Variants in ARHGEF3 observed in about 807,000 individuals in gnomAD.
The protein encoded by ARHGEF3 is 59.8 kDA protein.
In ARHGEF3, 28 loss-of-function variants were observed where a neutral mutation model predicts 63.2. The ratio of observed to expected loss-of-function variants is 0.44; its 90% confidence interval spans 0.33 to 0.61. The LOEUF (loss-of-function observed/expected upper bound fraction) is 0.61, where lower values mean the gene tolerates loss of function less well. Among genes scored for constraint, ARHGEF3 ranks in the 20% least tolerant of loss-of-function variants. ARHGEF3 has a pLI of 0.03. For missense variants in ARHGEF3, 533 were observed against 659.3 expected, an observed-to-expected ratio of 0.81 and a Z score of 2.10; for synonymous variants, 266 against 254.2, an observed-to-expected ratio of 1.05 and a Z score of -0.44.
rs185778248 is a variant in ARHGEF3, at chr3:56,926,475, T to C, written c.129+32348A>G. On this transcript the variant is annotated intron_variant, in intron 3 of 12. Coordinates refer to the ARHGEF3 transcript ENST00000338458. ...CAGTACTAGTCAGATGCTTTTCCTA[T>C]GTATTTTTAAAGTACACAAACATAA... 5.9e-5 allele frequency among the ~76,000 whole-genome samples: 9 copies of C among 152,376 alleles called. 1 individual carries two copies. Among genetic ancestry groups the C allele is most frequent in the South Asian group, 4.1e-4 (2 of 4,828 alleles).
At chr3:57,055,100 G>T (rs184728214) in intron 1 of ARHGEF3, among the ~76,000 whole-genome samples, 25 of 150,872 alleles carry the variant, frequency 1.7e-4, no homozygotes, top group Admixed American at 3.3e-4. Flanking sequence ...TCTCTTAATG[G>T]TGTCTCTTGA....
At chr3:56,732,130 C>G in intron 9 of ARHGEF3, 108 bp downstream of exon 9, 1 of 1,276,098 alleles carries the variant, frequency 7.8e-7, no homozygotes, top group Non-Finnish European at 1.1e-6. Flanking sequence ...CATACAAATG[C>G]AGTTTGACTT....
chr3:56,860,583 A>C (rs2040039711), intron 4 of ARHGEF3, among the ~76,000 whole-genome samples: 1 of 152,248 alleles, frequency 6.6e-6, no homozygotes, highest in Non-Finnish European at 1.5e-5. Context: ...AGAAAATCAC[A>C]GTGGGTTCTT....
At chr3:56,958,614 G>A (rs574703367) in intron 3 of ARHGEF3, among the ~76,000 whole-genome samples, 6 of 152,222 alleles carry the variant, frequency 3.9e-5, no homozygotes, top group African/African-American at 1.4e-4. Flanking sequence ...TTACAGACAT[G>A]AGCTATCACG....
chr3:56,858,232 A>C (rs1230855940), intron 4 of ARHGEF3, among the ~76,000 whole-genome samples: 2 of 121,944 alleles, frequency 1.6e-5, no homozygotes, highest in African/African-American at 6.3e-5. Context: ...AAACAGAGCA[A>C]GACCCTGTCT....
chr3:56,982,271 TAAGC>T (rs1393019082), intron 2 of ARHGEF3, among the ~76,000 whole-genome samples: 1 of 150,040 alleles, frequency 6.7e-6, no homozygotes, highest in Non-Finnish European at 1.5e-5. Context: ...AAAAAAAAAG[TAAGC>T]AAGCGTACAT....
At chr3:56,737,112 G>C in intron 8 of ARHGEF3, 73 bp downstream of exon 8, 2 of 1,409,722 alleles carry the variant, frequency 1.4e-6, no homozygotes, top group Non-Finnish European at 1.9e-6. Flanking sequence ...GAAATTCTAA[G>C]AGGAGGCTCC....
At chr3:56,914,791 T>A (rs2041942293) in intron 3 of ARHGEF3, among the ~76,000 whole-genome samples, 1 of 151,858 alleles carries the variant, frequency 6.6e-6, no homozygotes, top group Non-Finnish European at 1.5e-5. Flanking sequence ...ATACTTAGAG[T>A]AATCAAAATC....
At chr3:56,947,950 A>T (rs1699602178) in intron 3 of ARHGEF3, among the ~76,000 whole-genome samples, 1 of 152,312 alleles carries the variant, frequency 6.6e-6, no homozygotes, top group East Asian at 1.9e-4. Flanking sequence ...AGTGCAATCA[A>T]ACTAGAACTC....
intron 3 of ARHGEF3, among the ~76,000 whole-genome samples, chr3:56,892,064 T>C (rs1057238967): frequency 6.6e-6 from 1 of 152,100 alleles, no homozygotes; most frequent in Non-Finnish European, 1.5e-5. Context: ...GGAGGAGACC[T>C]AGCCAGCCTG....
At chr3:56,828,496 T>G (rs1473764097) in intron 4 of ARHGEF3, among the ~76,000 whole-genome samples, 1 of 152,158 alleles carries the variant, frequency 6.6e-6, no homozygotes, top group Non-Finnish European at 1.5e-5. Context: ...ACTGCGCCAC[T>G]GGACTCTACC....
chr3:56,838,806 T>C (rs2039209281), intron 4 of ARHGEF3, among the ~76,000 whole-genome samples: 1 of 152,068 alleles, frequency 6.6e-6, no homozygotes, highest in Admixed American at 6.6e-5. Context: ...AGATGGTCAT[T>C]GTGTGTCATT....
At chr3:56,751,196 G>T in intron 5 of ARHGEF3, 64 bp from the exon 6 acceptor site, 1 of 1,576,270 alleles carries the variant, frequency 6.3e-7, no homozygotes, top group Non-Finnish European at 8.7e-7. Context: ...CTGGAAGTAG[G>T]TTCTGGGTTA....
intron 2 of ARHGEF3, among the ~76,000 whole-genome samples, chr3:57,026,009 C>T (rs1703458311): frequency 6.6e-6 from 1 of 152,136 alleles, no homozygotes; most frequent in Admixed American, 6.5e-5. Flanking sequence ...AAGACTCCCC[C>T]CATTCACACC....
At chr3:57,067,150 C>G (rs1705583701) in intron 1 of ARHGEF3, among the ~76,000 whole-genome samples, 1 of 152,016 alleles carries the variant, frequency 6.6e-6, no homozygotes, top group Non-Finnish European at 1.5e-5. Context: ...TATGGCAACC[C>G]AGAAAGAATA....
At chr3:56,750,455 C>T (rs572005899) in intron 6 of ARHGEF3, among the ~76,000 whole-genome samples, 3 of 152,172 alleles carry the variant, frequency 2.0e-5, no homozygotes, top group Admixed American at 2.0e-4. Flanking sequence ...CACCATATAC[C>T]CAGCTCTCCT....
chr3:56,772,628 C>T (rs529782152), intron 2 of ARHGEF3, among the ~76,000 whole-genome samples: 28 of 152,262 alleles, frequency 1.8e-4, no homozygotes, highest in South Asian at 1.0e-3. Flanking sequence ...TAAATCTCAA[C>T]GTTCACTTTA....
chr3:56,956,590 G>T (rs963041722), intron 3 of ARHGEF3, among the ~76,000 whole-genome samples: 10 of 152,178 alleles, frequency 6.6e-5, no homozygotes, highest in Admixed American at 6.5e-4. Flanking sequence ...CCATAGGTGG[G>T]GTAATCAATT....
chr3:56,993,284 G>C (rs1701836192), intron 2 of ARHGEF3, among the ~76,000 whole-genome samples: 1 of 152,138 alleles, frequency 6.6e-6, no homozygotes, highest in African/African-American at 2.4e-5. Flanking sequence ...TCTCTTTCCT[G>C]GCATAAAGGA....
Sources: gnomAD v4.1 joint callset for allele counts (sites outside exome capture counted in the v4.1 genomes callset) on GRCh38, gnomAD v4.1.1 for gene constraint, MANE v1.5 for transcripts, NCBI Gene and HGNC (gene_info 2026-07-23, HGNC 2026-07-21) for gene names.